LRRC42: variants seen among roughly 807,000 people sequenced by gnomAD.
LRRC42 encodes the protein leucine rich repeat containing 42.
A neutral mutation model predicts 44.3 loss-of-function variants in LRRC42; 43 were observed. That is an observed-to-expected ratio of 0.97 (90% confidence interval 0.76 to 1.25). The LOEUF is 1.25. Ranked by LOEUF, LRRC42 falls within the 50% of genes most tolerant of loss-of-function variation. The probability of loss-of-function intolerance (pLI) is 0.00; values close to 1 mark genes in which losing one functional copy is unlikely to be tolerated. For missense variants in LRRC42, 540 were observed against 509.1 expected (o/e 1.06, Z -0.58); for synonymous variants, 207 against 195.2 (o/e 1.06, Z -0.50).
At chr1:53,964,139 C>G (rs1451804110) in intron 7 of LRRC42, among the ~76,000 whole-genome samples, 1 of 152,104 alleles carries the variant, frequency 6.6e-6, no homozygotes, top group East Asian at 1.9e-4. Flanking sequence ...CTCCCCTGCT[C>G]TCCTGACAGT....
At chr1:53,949,790 G>A (rs531706014) in intron 2 of LRRC42, among the ~76,000 whole-genome samples, 53 of 152,226 alleles carry the variant, frequency 3.5e-4, no homozygotes, top group African/African-American at 1.2e-3. Context: ...TATTCCCATC[G>A]TCTGCTTTGC....
Position 53,962,053 on chromosome 1 carries a change from T to C in LRRC42, c.744T>C (p.Asp248=). 1 of 1,613,650 alleles carries C rather than the reference T, an allele frequency of 6.2e-7. No homozygotes were observed. Among genetic ancestry groups the C allele is most frequent in the Non-Finnish European group, 8.5e-7 (1 of 1,179,580 alleles). ...LDLSCNPEIT[D]AGIGYLFSFR... ...ATCTAGGTAACCCTGAGATCACAGATGCAGGCATTGGATACCTCTTTTCTT... is the reference window on the plus strand; with the variant it reads ...ATCTAGGTAACCCTGAGATCACAGACGCAGGCATTGGATACCTCTTTTCTT... The change falls in exon 6 of 9, where the codon GAT becomes GAC. Residue 248 remains aspartate, a synonymous_variant. Transcript: ENST00000371370.
intron 7 of LRRC42, among the ~76,000 whole-genome samples, chr1:53,964,145 A>C (rs1190922531): frequency 6.6e-6 from 1 of 151,606 alleles, no homozygotes; most frequent in Non-Finnish European, 1.5e-5. Flanking sequence ...TGCTCTCCTG[A>C]CAGTGTCCTC....
intron 5 of LRRC42, among the ~76,000 whole-genome samples, chr1:53,961,205 C>G (rs1367291463): frequency 6.6e-6 from 1 of 152,076 alleles, no homozygotes; most frequent in African/African-American, 2.4e-5. Flanking sequence ...GTCAGGAGAT[C>G]AAGACCATCC....
At chr1:53,948,896 A>C (rs562002565) in intron 2 of LRRC42, among the ~76,000 whole-genome samples, 15 of 152,358 alleles carry the variant, frequency 9.8e-5, no homozygotes, top group Non-Finnish European at 2.2e-4. Flanking sequence ...AGACTCAGGA[A>C]GATCCTTTTT....
In LRRC42 at chr1:53,967,064, G is replaced by A. The variant is rs1260401525; in HGVS notation, c.1013-601G>A. Among the ~76,000 whole-genome samples, 3 of 152,088 alleles carry A rather than the reference G, an allele frequency of 2.0e-5. No homozygotes were observed. In the East Asian group the frequency reaches 5.8e-4, roughly 29 times the overall value. ...TGAATGCCCTTAATACCACTGAACT[G>A]TACACTTAAAAATGGCTAAAATAGT... On this transcript the variant is annotated intron_variant, in intron 8 of 8. Transcript: ENST00000371370.
At chr1:53,950,858 C>T (rs189536869) in intron 2 of LRRC42, among the ~76,000 whole-genome samples, 11 of 152,220 alleles carry the variant, frequency 7.2e-5, no homozygotes, top group East Asian at 5.8e-4. Flanking sequence ...TTAATAGATA[C>T]GAAGTTTCCA....
Position 53,958,422 on chromosome 1 carries a change from A to G in LRRC42, c.605+142A>G, listed in dbSNP as rs911776705. The G allele has an allele frequency of 2.8e-5, 31 of 1,094,708 alleles. No homozygotes were observed. The East Asian group carries it at 5.5e-4, about 19-fold the overall frequency. The allele number at this position is 1,094,708 out of a possible 1,614,324, so 67.8% of individuals were successfully genotyped here. ...TTTTCCTAAAACATTTTCAATCTCC[A>G]TTTACTTGGTATAAGCAATATAGAT... On this transcript the variant is annotated intron_variant, in intron 4 of 8. Transcript: ENST00000371370.
intron 1 of LRRC42, among the ~76,000 whole-genome samples, chr1:53,946,902 T>G: frequency 1.6e-5 from 2 of 126,390 alleles, no homozygotes; most frequent in Non-Finnish European, 3.2e-5. Flanking sequence ...CGAGATAGGA[T>G]AGGAATAGAG....
chr1:53,946,931 C>A (rs1654498116), intron 1 of LRRC42, among the ~76,000 whole-genome samples: 1 of 127,794 alleles, frequency 7.8e-6, no homozygotes, highest in African/African-American at 3.0e-5. Context: ...GTCTTGGGGG[C>A]AGGGAAGAAA....
chr1:53,952,147 G>A lies in LRRC42; in HGVS notation c.148G>A (p.Gly50Ser). ...KPRPFRLFPK[G>S]FSVELCMNRE... The stretch of plus-strand genomic sequence containing the variant: ...AAGGCCTTTCAGACTGTTCCCCAAA[G>A]GCTTTTCTGTGGAGCTTTGCATGAA... The change falls in exon 3 of 9, where the codon GGC becomes AGC. Residue 50 changes from glycine to serine, a missense_variant. Coordinates refer to ENST00000371370, the MANE Select transcript of LRRC42 (RefSeq NM_001256409.2). The A allele has an allele frequency of 6.2e-7, 1 of 1,614,202 alleles. No individual in the cohort carries two copies. Among genetic ancestry groups the A allele is most frequent in the Non-Finnish European group, 8.5e-7 (1 of 1,180,034 alleles).
intron 7 of LRRC42, among the ~76,000 whole-genome samples, chr1:53,963,160 A>G (rs929029778): frequency 2.6e-5 from 4 of 152,212 alleles, no homozygotes; most frequent in African/African-American, 7.2e-5. Flanking sequence ...GCCATAATGC[A>G]GGATGGTAGA....
chr1:53,954,866 A>C (rs1377178251), intron 3 of LRRC42, among the ~76,000 whole-genome samples: 1 of 152,232 alleles, frequency 6.6e-6, no homozygotes, highest in Non-Finnish European at 1.5e-5. Flanking sequence ...GAAAACATCC[A>C]TACTATTTGT....
rs183460917 is a variant in LRRC42, at chr1:53,957,859, G to C, written c.474-290G>C. ...CCAACACCAATGCCAAGGTCTGCCTGATAACAAAGCAGGTGTTTCACTTGT... is the reference window on the plus strand; with the variant it reads ...CCAACACCAATGCCAAGGTCTGCCTCATAACAAAGCAGGTGTTTCACTTGT... On this transcript the variant is annotated intron_variant, in intron 3 of 8. Transcript: ENST00000371370. Among the ~76,000 whole-genome samples, 49 of 152,276 alleles carry C rather than the reference G, an allele frequency of 3.2e-4. 1 individual carries two copies. Among genetic ancestry groups the C allele is most frequent in the African/African-American group, 2.4e-5 (1 of 41,548 alleles).
Position 53,952,061 on chromosome 1 carries a change from A to T in LRRC42, c.62A>T (p.Asn21Ile), listed in dbSNP as rs772153709. 2 of 1,614,194 alleles carry T rather than the reference A, an allele frequency of 1.2e-6. No homozygotes were observed. The highest frequency in any genetic ancestry group is 2.2e-5 in the South Asian group (2 of 91,090). The change falls in exon 3 of 9, where the codon AAT (asparagine) becomes ATT (isoleucine). Residue 21 changes from asparagine to isoleucine, a missense_variant. Coordinates refer to ENST00000371370, the MANE Select transcript of LRRC42 (RefSeq NM_001256409.2). ...LDPGPIYMRENGQLHMVNLAL... is the reference protein window; with the variant it reads ...LDPGPIYMREIGQLHMVNLAL... ...CCAGGGCCCATCTACATGCGAGAAAATGGGCAGCTGCACATGGTCAATCTG... is the reference window on the plus strand; with the variant it reads ...CCAGGGCCCATCTACATGCGAGAAATTGGGCAGCTGCACATGGTCAATCTG...
rs996253158 is a variant in LRRC42, at chr1:53,960,582, C to T, written c.724+108C>T. On this transcript the variant is annotated intron_variant, in intron 5 of 8. Transcript: ENST00000371370. ...GAGGTGAGAAAGGAAAGGTGACTTT[C>T]CTCGGTGCCATAGAAACTTGGTGGC... 1.4e-5 allele frequency: 11 copies of T among 806,400 alleles called. No individual in the cohort carries two copies. In the African/African-American group the frequency reaches 1.9e-4, roughly 14 times the overall value. 50.0% of individuals were successfully genotyped at this position (806,400 alleles called of 1,614,324 possible).
chr1:53,967,539 A>C, intron 8 of LRRC42, 126 bp from the exon 9 acceptor site: 1 of 933,546 alleles, frequency 1.1e-6, no homozygotes. Flanking sequence ...CACTCAAGGC[A>C]AAATGCAATC....
rs780524326 is a variant in LRRC42 at position 53,958,278 on chromosome 1, T to C, written c.603T>C (p.Ser201=). ...LLEHLTNEAL[S]SVTQLHLKDN... ...AACATCTCACCAATGAAGCCCTGTCTAGGTACTGACCTGTCACCACTTGCA... is the reference window on the plus strand; with the variant it reads ...AACATCTCACCAATGAAGCCCTGTCCAGGTACTGACCTGTCACCACTTGCA... Residue 201 remains serine, a splice_region_variant and synonymous_variant, in exon 4 of 9, where the codon TCT becomes TCC. Coordinates refer to ENST00000371370, the MANE Select transcript of LRRC42 (RefSeq NM_001256409.2). The C allele has an allele frequency of 9.9e-6, 16 of 1,613,612 alleles. No homozygotes were observed. The highest frequency in any genetic ancestry group is 1.4e-5 in the Non-Finnish European group (16 of 1,179,616).
chr1:53,953,369 T>A (rs2100920001), intron 3 of LRRC42, among the ~76,000 whole-genome samples: 1 of 152,072 alleles, frequency 6.6e-6, no homozygotes, highest in East Asian at 1.9e-4. Flanking sequence ...TTTTTTTTTG[T>A]TTTTTTTGAG....
Sources: gnomAD v4.1 joint callset for allele counts (sites outside exome capture counted in the v4.1 genomes callset) on GRCh38, gnomAD v4.1.1 for gene constraint, MANE v1.5 for transcripts, NCBI Gene and HGNC (gene_info 2026-07-23, HGNC 2026-07-21) for gene names.